GALNT13: variants seen among roughly 807,000 people sequenced by gnomAD.
GALNT13 encodes polypeptide N-acetylgalactosaminyltransferase 13.
A neutral mutation model predicts 64.2 loss-of-function variants in GALNT13; 28 were observed. The observed-to-expected ratio is 0.44, with a 90% CI of 0.32 to 0.60. GALNT13 has a LOEUF of 0.60. Ranked by LOEUF, GALNT13 falls within the 20% of genes least tolerant of loss-of-function variation. The pLI is 0.05. For synonymous variants in GALNT13, 214 were observed against 224.6 expected (o/e 0.95, Z 0.42); for missense variants, 577 against 669.8 (o/e 0.86, Z 1.53).
the GALNT13 span, among the ~76,000 whole-genome samples, chr2:153,070,587 T>A: frequency 6.6e-6 from 1 of 152,192 alleles, no homozygotes; most frequent in African/African-American, 2.4e-5. Context: ...AGGAATTCTG[T>A]ATACTTTCTC....
chr2:153,847,371 AAC>A, the GALNT13 span, among the ~76,000 whole-genome samples: 1 of 146,392 alleles, frequency 6.8e-6, no homozygotes, highest in African/African-American at 2.5e-5. Flanking sequence ...AGATTTGAAT[AAC>A]AGTTTGACAA....
chr2:154,388,784 G>T (rs966503371), intron 9 of GALNT13, among the ~76,000 whole-genome samples: 3 of 151,990 alleles, frequency 2.0e-5, no homozygotes, highest in Non-Finnish European at 4.4e-5. Context: ...ACAAAATAAA[G>T]TCCACTTTCT....
At chr2:153,686,984 T>A in the GALNT13 span, among the ~76,000 whole-genome samples, 2 of 152,114 alleles carry the variant, frequency 1.3e-5, no homozygotes, top group African/African-American at 4.8e-5. Context: ...CATCCAGGGA[T>A]AAAGCCTACT....
chr2:154,062,142 G>A (rs762565234), intron 3 of GALNT13, among the ~76,000 whole-genome samples: 1 of 152,066 alleles, frequency 6.6e-6, no homozygotes, highest in Non-Finnish European at 1.5e-5. Context: ...TGCTGAGGAT[G>A]GTATCTTCAA....
intron 3 of GALNT13, among the ~76,000 whole-genome samples, chr2:154,006,919 C>A (rs1696291911): frequency 6.6e-6 from 1 of 152,094 alleles, no homozygotes; most frequent in Admixed American, 6.6e-5. Flanking sequence ...TCATTCCCTC[C>A]CTTTGAGTAT....
chr2:154,189,041 A>G (rs1686418084), intron 4 of GALNT13, among the ~76,000 whole-genome samples: 1 of 152,210 alleles, frequency 6.6e-6, no homozygotes. Flanking sequence ...CAAAAAAATT[A>G]AAATTTTTGA....
the GALNT13 span, among the ~76,000 whole-genome samples, chr2:153,694,274 C>G: frequency 6.6e-6 from 1 of 152,114 alleles, no homozygotes; most frequent in Non-Finnish European, 1.5e-5. Context: ...ACAAGGAGGC[C>G]GTATGCATAG....
chr2:153,609,977 T>C, the GALNT13 span, among the ~76,000 whole-genome samples: 1 of 152,134 alleles, frequency 6.6e-6, no homozygotes, highest in Non-Finnish European at 1.5e-5. Context: ...ATTTGTGCAC[T>C]ACACAGATAA....
chr2:153,077,625 A>G, the GALNT13 span, among the ~76,000 whole-genome samples: 1 of 152,154 alleles, frequency 6.6e-6, no homozygotes, highest in African/African-American at 2.4e-5. Context: ...AAGCATGACC[A>G]TTTACAGCAT....
At chr2:153,149,263 G>A in the GALNT13 span, among the ~76,000 whole-genome samples, 6 of 151,898 alleles carry the variant, frequency 4.0e-5, no homozygotes, top group East Asian at 5.8e-4. Context: ...GTTAGAAGAC[G>A]TTACACAACT....
At chr2:153,634,534 A>G in the GALNT13 span, among the ~76,000 whole-genome samples, 1 of 143,080 alleles carries the variant, frequency 7.0e-6, no homozygotes, top group Non-Finnish European at 1.5e-5. Context: ...TTGAAAAAAG[A>G]TGGAAATCTT....
At chr2:153,206,348 G>C in the GALNT13 span, among the ~76,000 whole-genome samples, 1 of 152,106 alleles carries the variant, frequency 6.6e-6, no homozygotes, top group East Asian at 1.9e-4. Flanking sequence ...CATGGCTAAA[G>C]GGCTTTTATC....
the GALNT13 span, among the ~76,000 whole-genome samples, chr2:153,580,355 A>C: frequency 6.6e-6 from 1 of 152,292 alleles, no homozygotes; most frequent in East Asian, 1.9e-4. Flanking sequence ...CCAAAAAAAA[A>C]AAAGTGATGC....
chr2:153,462,058 T>C, the GALNT13 span, among the ~76,000 whole-genome samples: 1 of 152,128 alleles, frequency 6.6e-6, no homozygotes, highest in Admixed American at 6.6e-5. Context: ...CAAATTTTAC[T>C]GTTGCGCATC....
the GALNT13 span, among the ~76,000 whole-genome samples, chr2:153,261,357 C>G: frequency 6.6e-6 from 1 of 152,100 alleles, no homozygotes; most frequent in African/African-American, 2.4e-5. Flanking sequence ...CGAGGACATT[C>G]CAGGTATTTG....
At chr2:154,055,524 AT>A (rs1699853237) in intron 3 of GALNT13, among the ~76,000 whole-genome samples, 1 of 152,068 alleles carries the variant, frequency 6.6e-6, no homozygotes, top group Non-Finnish European at 1.5e-5. Flanking sequence ...TAATTATAAG[AT>A]TGCACTGAAT....
chr2:154,396,074 C>T lies in GALNT13; in HGVS notation c.1240C>T (p.Leu414=). Residue 414 remains leucine, a synonymous_variant, in exon 10 of 13, where the codon CTA becomes TTA. Coordinates refer to ENST00000392825, the MANE Select transcript of GALNT13 (RefSeq NM_052917.4). ...GAAGTGTAAGCCCTTTTCTTGGTAC[C>T]TAGAAAACATCTATCCGGACTCCCA... ...NLKCKPFSWY[L]ENIYPDSQIP... is the part of the protein sequence containing the mutation. The T allele has an allele frequency of 1.2e-6, 2 of 1,610,588 alleles. No homozygotes were observed. Among genetic ancestry groups the T allele is most frequent in the Non-Finnish European group, 8.5e-7 (1 of 1,178,092 alleles).
chr2:154,292,127 TGTGA>T (rs1274983262), intron 8 of GALNT13, among the ~76,000 whole-genome samples: 8 of 152,152 alleles, frequency 5.3e-5, no homozygotes, highest in African/African-American at 1.9e-4. Flanking sequence ...TCCATTTTGA[TGTGA>T]GTATTTCTCA....
the GALNT13 span, among the ~76,000 whole-genome samples, chr2:153,321,551 TC>T: frequency 6.6e-6 from 1 of 152,146 alleles, no homozygotes; most frequent in Admixed American, 6.6e-5. Flanking sequence ...CCAATCCCAT[TC>T]CATAAAAAGT....
Sources: allele counts gnomAD v4.1 joint callset (sites outside exome capture counted in the v4.1 genomes callset), GRCh38; gene constraint gnomAD v4.1.1; transcripts MANE v1.5; gene names NCBI Gene and HGNC (gene_info 2026-07-23, HGNC 2026-07-21).